RASAL2: variants seen among roughly 807,000 people sequenced by gnomAD.
The protein encoded by RASAL2 is RAS protein activator like 2, also known as ras GTPase-activating protein nGAP.
Under a neutral mutation model 128.9 loss-of-function variants are expected in RASAL2, and 58 were observed. The ratio of observed to expected loss-of-function variants is 0.45; its 90% CI spans 0.36 to 0.56. RASAL2 has a LOEUF of 0.56. Ranked by LOEUF, RASAL2 falls within the 20% of genes least tolerant of loss-of-function variation. The pLI is 0.00. For synonymous variants in RASAL2, 561 were observed against 580.8 expected, an observed-to-expected ratio of 0.97 and a Z score of 0.49; for missense variants, 1,360 against 1,601.6, an observed-to-expected ratio of 0.85 and a Z score of 2.57.
intron 1 of RASAL2, among the ~76,000 whole-genome samples, chr1:178,098,408 A>G (rs1334221466): frequency 1.3e-5 from 2 of 152,240 alleles, no homozygotes; most frequent in African/African-American, 4.8e-5. Context: ...AGCAAAGTCA[A>G]TTGGCTGAAA....
intron 1 of RASAL2, among the ~76,000 whole-genome samples, chr1:178,230,457 G>A (rs1418553213): frequency 5.9e-5 from 9 of 152,114 alleles, no homozygotes; most frequent in Non-Finnish European, 1.0e-4. Flanking sequence ...CCAGCATGTG[G>A]TTTTATCAGC....
intron 4 of RASAL2, among the ~76,000 whole-genome samples, chr1:178,404,225 CAAAAA>C (rs547639078): frequency 1.8e-5 from 1 of 57,126 alleles, no homozygotes; most frequent in African/African-American, 6.9e-5. Context: ...GACCCCGTCT[CAAAAA>C]AAAAAAAAAA....
At chr1:178,311,253 A>ACACACACACACACACACAC (rs1668232217) in intron 3 of RASAL2, among the ~76,000 whole-genome samples, 4 of 143,706 alleles carry the variant, frequency 2.8e-5, no homozygotes, top group African/African-American at 5.2e-5. Context: ...CACACACACA[A>ACACACACACACACACACAC]ACACACACAC....
chr1:178,379,007 G>A (rs150165716), intron 3 of RASAL2, among the ~76,000 whole-genome samples: 21 of 151,716 alleles, frequency 1.4e-4, no homozygotes, highest in African/African-American at 2.7e-4. Flanking sequence ...AGATGAAACC[G>A]ACAAGATTTG....
intron 3 of RASAL2, among the ~76,000 whole-genome samples, chr1:178,325,807 T>G (rs1466051414): frequency 6.6e-6 from 1 of 152,188 alleles, no homozygotes; most frequent in East Asian, 1.9e-4. Flanking sequence ...CTGCAGTTGA[T>G]AAGTTAAAAT....
intron 1 of RASAL2, among the ~76,000 whole-genome samples, chr1:178,149,165 TTAA>T (rs2101874766): frequency 6.6e-6 from 1 of 152,306 alleles, no homozygotes; most frequent in East Asian, 1.9e-4. Context: ...AATTTGGGTA[TTAA>T]TGATATGAAA....
chr1:178,248,506 C>T lies in RASAL2; in HGVS notation c.203-35058C>T, dbSNP rs564283464. On this transcript the variant is annotated intron_variant, in intron 1 of 17. Coordinates refer to ENST00000367649, the MANE Select transcript of RASAL2 (RefSeq NM_170692.4). ...GGTCTTGACCCTTTATCTAGTTTACCGGTTTGTGCCTTTTAACTGAGACAT... is the reference window on the plus strand; with the variant it reads ...GGTCTTGACCCTTTATCTAGTTTACTGGTTTGTGCCTTTTAACTGAGACAT... Among the ~76,000 whole-genome samples the T allele has an allele frequency of 6.6e-5, 10 of 152,070 alleles. No individual in the cohort carries two copies. The South Asian group carries it at 8.3e-4, about 13-fold the overall frequency.
chr1:178,342,676 C>T lies in RASAL2; in HGVS notation c.457+42558C>T, dbSNP rs372159466. Among the ~76,000 whole-genome samples, 24 of 152,196 alleles carry T rather than the reference C, an allele frequency of 1.6e-4. No individual in the cohort carries two copies. In the East Asian group the frequency reaches 3.5e-3, roughly 22 times the overall value. On this transcript the variant is annotated intron_variant, in intron 3 of 17. Transcript: ENST00000367649. ...TTTTCTGTATAAATATGTTAGTAAA[C>T]TTTTTTCTGTATGCAAATATCTATT...
rs1677890007 is a variant in RASAL2 at position 178,457,894 on chromosome 1, C to T, written c.2602C>T (p.Leu868Phe). The T allele has an allele frequency of 5.0e-6, 8 of 1,614,190 alleles. No homozygotes were observed. Among genetic ancestry groups the T allele is most frequent in the Middle Eastern group, 1.6e-4 (1 of 6,062 alleles). Residue 868 changes from leucine to phenylalanine, a missense_variant, in exon 14 of 18, where the codon CTT (leucine) becomes TTT (phenylalanine). Leu to Phe is a conservative substitution (Grantham distance 22). This residue lies in a region of RASAL2 where 741 missense variants were observed against 868.6 expected (regional missense o/e 0.85). Coordinates refer to ENST00000367649, the MANE Select transcript of RASAL2 (RefSeq NM_170692.4). ...AAQVEHASVMLDVPIRLTGSQ... is the reference protein window; with the variant it reads ...AAQVEHASVMFDVPIRLTGSQ... ...TCAAGTGGAGCATGCATCTGTCATG[C>T]TTGATGTGCCTATACGCTTGACCGG... is the stretch of plus-strand genomic sequence containing the variant.
intron 3 of RASAL2, among the ~76,000 whole-genome samples, chr1:178,311,825 AAAGAAG>A (rs200450041): frequency 1.3e-5 from 2 of 152,090 alleles, no homozygotes; most frequent in African/African-American, 4.8e-5. Context: ...ACATACAAAA[AAAGAAG>A]AAGAAGAAAA....
intron 1 of RASAL2, among the ~76,000 whole-genome samples, chr1:178,255,133 A>G (rs1175198871): frequency 2.6e-5 from 4 of 152,166 alleles, no homozygotes; most frequent in Non-Finnish European, 5.9e-5. Context: ...TGATATAAAG[A>G]TATTTCCAGA....
At chr1:178,293,585 T>A (rs540177689) in intron 2 of RASAL2, among the ~76,000 whole-genome samples, 1 of 152,342 alleles carries the variant, frequency 6.6e-6, no homozygotes, top group East Asian at 1.9e-4. Flanking sequence ...TCTAGCCAAA[T>A]TGGCCTACTC....
intron 3 of RASAL2, among the ~76,000 whole-genome samples, chr1:178,319,198 C>G (rs1168723822): frequency 2.0e-5 from 3 of 151,948 alleles, no homozygotes; most frequent in African/African-American, 4.8e-5. Flanking sequence ...TGAGGGTAAC[C>G]CAACCTTTTT....
intron 1 of RASAL2, among the ~76,000 whole-genome samples, chr1:178,243,913 T>C (rs1016964649): frequency 2.0e-5 from 3 of 152,218 alleles, no homozygotes; most frequent in Non-Finnish European, 4.4e-5. Context: ...TCTTTTGTTA[T>C]TCATATCATT....
At chr1:178,185,303 T>C (rs115149014) in intron 1 of RASAL2, among the ~76,000 whole-genome samples, 1,831 of 152,052 alleles carry the variant, frequency 0.012, 33 homozygotes, top group African/African-American at 0.038. Flanking sequence ...AAGGCAGGTT[T>C]ATTTCTTCTT....
intron 1 of RASAL2, among the ~76,000 whole-genome samples, chr1:178,276,864 G>A (rs1242629189): frequency 1.3e-5 from 2 of 151,928 alleles, no homozygotes; most frequent in African/African-American, 4.8e-5. Context: ...AAAATAGCTT[G>A]TTGGCCGGGC....
intron 1 of RASAL2, among the ~76,000 whole-genome samples, chr1:178,192,148 T>A (rs1251240973): frequency 1.3e-5 from 2 of 152,178 alleles, no homozygotes; most frequent in Non-Finnish European, 2.9e-5. Flanking sequence ...GAGGTGGGGA[T>A]GGGAAAGGGA....
At chr1:178,410,028 A>G (rs1674261141) in intron 4 of RASAL2, among the ~76,000 whole-genome samples, 1 of 152,100 alleles carries the variant, frequency 6.6e-6, no homozygotes. Context: ...CTAATCATTA[A>G]GAAAATGGAG....
chr1:178,124,915 T>G (rs953729139), intron 1 of RASAL2, among the ~76,000 whole-genome samples: 1 of 152,196 alleles, frequency 6.6e-6, no homozygotes, highest in African/African-American at 2.4e-5. Context: ...AGAATTTCCT[T>G]TCTCCATAAG....
Sources: gnomAD v4.1 joint callset for allele counts (sites outside exome capture counted in the v4.1 genomes callset) on GRCh38, gnomAD v4.1.1 for gene constraint, gnomAD v4.1.1 regional missense constraint, MANE v1.5 for transcripts, NCBI Gene and HGNC (gene_info 2026-07-23, HGNC 2026-07-21) for gene names.